KIAA0232: variants seen among roughly 807,000 people sequenced by gnomAD.
KIAA0232 encodes the protein KIAA0232.
A neutral mutation model predicts 122.0 loss-of-function variants in KIAA0232; 27 were observed. That is an observed-to-expected ratio of 0.22 (90% confidence interval 0.16 to 0.31). KIAA0232 has a LOEUF of 0.31. KIAA0232 is among the 10% of genes least tolerant of loss of function. The pLI is 1.00. For synonymous variants in KIAA0232, 613 were observed against 587.6 expected (o/e 1.04, Z -0.63); for missense variants, 1,551 against 1,634.2 (o/e 0.95, Z 0.88).
At position 6,855,977 on chromosome 4, in the gene KIAA0232, G is replaced by A. The variant is rs1720547211; in HGVS notation, c.370-1187G>A. On this transcript the variant is annotated intron_variant, in intron 4 of 9. Transcript: ENST00000307659. This position sits in a 1 kb window ranked among gnomAD's most constrained non-coding sequence, Gnocchi z 4.3. ...AATATCTGCCATCGTTTTTAAGAGTGTTTTTAAAGGAAAGGGCAACTCTTG... is the reference window on the plus strand; with the variant it reads ...AATATCTGCCATCGTTTTTAAGAGTATTTTTAAAGGAAAGGGCAACTCTTG... 1 of 488,582 alleles carries A rather than the reference G, an allele frequency of 2.0e-6. No homozygotes were observed. The highest frequency in any genetic ancestry group is 2.1e-5 in the African/African-American group (1 of 47,452). 30.3% of individuals were successfully genotyped at this position (488,582 alleles called of 1,614,324 possible).
chr4:6,845,906 G>A (rs915204007), intron 4 of KIAA0232, among the ~76,000 whole-genome samples: 6 of 152,142 alleles, frequency 3.9e-5, no homozygotes, highest in Admixed American at 6.5e-5. Flanking sequence ...CGAGTATGTC[G>A]TGTGATGTGA....
At position 6,861,418 on chromosome 4, in the gene KIAA0232, A is replaced by G; in HGVS notation, c.1036A>G (p.Ile346Val). The G allele has an allele frequency of 3.7e-6, 6 of 1,614,230 alleles. No homozygotes were observed. Among genetic ancestry groups the G allele is most frequent in the Admixed American group, 3.3e-5 (2 of 60,020 alleles). The change falls in exon 7 of 10, where the codon ATT becomes GTT. Residue 346 changes from isoleucine to valine, a missense_variant. Physicochemically the swap from Ile to Val is conservative, Grantham distance 29. This residue lies in a region of KIAA0232 where 377 missense variants were observed against 381.7 expected (regional missense o/e 0.99). Transcript: ENST00000307659. ...LKHGEKAERN[I>V]HTGSSSSSSS... Reference sequence around the variant, plus strand: ...GCACGGTGAAAAGGCTGAAAGGAACATTCATACTGGAAGTAGTAGCAGTAG... The same window carrying G: ...GCACGGTGAAAAGGCTGAAAGGAACGTTCATACTGGAAGTAGTAGCAGTAG...
intron 2 of KIAA0232, among the ~76,000 whole-genome samples, chr4:6,815,550 G>A (rs1202166468): frequency 3.3e-5 from 5 of 152,170 alleles, no homozygotes; most frequent in African/African-American, 1.2e-4. Flanking sequence ...ATTTAGATCT[G>A]TCATTATGGT....
intron 1 of KIAA0232, among the ~76,000 whole-genome samples, chr4:6,788,571 G>A (rs1716738947): frequency 6.6e-6 from 1 of 152,118 alleles, no homozygotes; most frequent in African/African-American, 2.4e-5. Context: ...TATACATGAA[G>A]GTCTTTCCTG....
In KIAA0232 at chr4:6,882,440, A is replaced by G. The variant is rs184758977; in HGVS notation, c.*1474A>G. On this transcript the variant is annotated 3_prime_UTR_variant, in exon 10 of 10. Transcript: ENST00000307659. ...GTGAAATCTATGATTTGCTTTGAACATTTGGGTTTTGTTGCCTTTTTCTTA... is the reference window on the plus strand; with the variant it reads ...GTGAAATCTATGATTTGCTTTGAACGTTTGGGTTTTGTTGCCTTTTTCTTA... The G allele has an allele frequency of 6.6e-6, 1 of 152,062 alleles. No individual in the cohort carries two copies. The highest frequency in any genetic ancestry group is 6.5e-5 in the Admixed American group (1 of 15,288). The allele number at this position is 152,062 out of a possible 1,614,324, so 9.4% of individuals were successfully genotyped here. A position where few individuals can be genotyped will look rare whatever the true frequency, so the allele number is the denominator to read the frequency against.
rs1488075104 is a variant in KIAA0232, at chr4:6,871,698, T to TTAGTTC, written c.3910+17_3910+22dup. ...GAGTGTGAAGGTAAGGAGACCTTTG[T>TTAGTTC]TAGTTCATTTATTCATTGCAATTTG... is the stretch of plus-strand genomic sequence containing the variant. On this transcript the variant is annotated intron_variant, in intron 8 of 9. Coordinates refer to ENST00000307659, the MANE Select transcript of KIAA0232 (RefSeq NM_014743.3). The TTAGTTC allele has an allele frequency of 2.2e-6, 3 of 1,387,462 alleles. No homozygotes were observed. The highest frequency in any genetic ancestry group is 2.0e-6 in the Non-Finnish European group (2 of 982,622). 85.9% of individuals were successfully genotyped at this position (1,387,462 alleles called of 1,614,324 possible).
intron 4 of KIAA0232, among the ~76,000 whole-genome samples, chr4:6,845,442 C>T (rs971842126): frequency 1.3e-5 from 2 of 152,092 alleles, no homozygotes; most frequent in Admixed American, 6.5e-5. Flanking sequence ...GACATCCTCC[C>T]GCGTCGGCCT....
chr4:6,853,070 G>A (rs1460262750), intron 4 of KIAA0232, among the ~76,000 whole-genome samples: 3 of 152,176 alleles, frequency 2.0e-5, no homozygotes, highest in Non-Finnish European at 2.9e-5. Context: ...GCACCCCTGA[G>A]GCAAAGCATG....
chr4:6,813,605 G>T (rs1436794165), intron 2 of KIAA0232, among the ~76,000 whole-genome samples: 2 of 151,934 alleles, frequency 1.3e-5, no homozygotes, highest in East Asian at 1.9e-4. Flanking sequence ...CTTGTGATCC[G>T]CCCGCCTCGG....
intron 1 of KIAA0232, among the ~76,000 whole-genome samples, chr4:6,792,314 T>A (rs1716931899): frequency 6.6e-6 from 1 of 152,198 alleles, no homozygotes; most frequent in South Asian, 2.1e-4. Context: ...TGTAACACAG[T>A]GCTACAGTAA....
intron 2 of KIAA0232, among the ~76,000 whole-genome samples, chr4:6,807,165 G>A (rs570097045): frequency 6.6e-6 from 1 of 152,144 alleles, no homozygotes; most frequent in South Asian, 2.1e-4. Context: ...TTCTCCAATA[G>A]CTAGGATTAT....
In KIAA0232 at chr4:6,880,837, A is replaced by G. The variant is rs1484769835; in HGVS notation, c.4059A>G (p.Ala1353=). The part of the protein sequence containing the change: ...ARCTGERDSG[A]KSDGFRGKMC... ...GTACAGGAGAGAGAGATTCTGGAGC[A>G]AAGTCAGATGGCTTCCGCGGAAAGA... Residue 1353 remains alanine (A), a synonymous_variant, in exon 10 of 10, where the codon GCA becomes GCG. Transcript: ENST00000307659. 1 of 1,604,856 alleles carries G rather than the reference A, an allele frequency of 6.2e-7. No homozygotes were observed. The highest frequency in any genetic ancestry group is 1.7e-5 in the Admixed American group (1 of 58,822).
Position 6,824,405 on chromosome 4 carries a change from C to G in KIAA0232, c.-49C>G, listed in dbSNP as rs1158754152. On this transcript the variant is annotated 5_prime_UTR_variant, in exon 3 of 10. In the 5' UTR this introduces an upstream ATG that the reference lacks. Coordinates refer to ENST00000307659, the MANE Select transcript of KIAA0232 (RefSeq NM_014743.3). ...TCCCCTCCAGATACCAACAGAATAT[C>G]AACTGCAGAAAATGCTTCACATTTT... 2.8e-6 allele frequency: 4 copies of G among 1,430,212 alleles called. No individual in the cohort carries two copies. Among genetic ancestry groups the G allele is most frequent in the East Asian group, 2.3e-5 (1 of 43,984 alleles). 88.6% of individuals were successfully genotyped at this position (1,430,212 alleles called of 1,614,324 possible).
chr4:6,873,837 A>G (rs755075348), intron 8 of KIAA0232, among the ~76,000 whole-genome samples: 1 of 152,218 alleles, frequency 6.6e-6, no homozygotes, highest in Non-Finnish European at 1.5e-5. Context: ...CTGTAGCATC[A>G]TGAAGCATCC....
intron 3 of KIAA0232, among the ~76,000 whole-genome samples, chr4:6,826,404 A>G (rs1047894921): frequency 4.6e-5 from 7 of 152,232 alleles, no homozygotes; most frequent in African/African-American, 1.7e-4. Flanking sequence ...CGTTAAATCT[A>G]CAAACATAGA....
At chr4:6,791,206 A>G (rs112919680) in intron 1 of KIAA0232, among the ~76,000 whole-genome samples, 2,267 of 150,970 alleles carry the variant, frequency 0.015, 47 homozygotes, top group African/African-American at 0.052. Context: ...GGCATGAGCC[A>G]CCGTGCCTGG....
intron 2 of KIAA0232, among the ~76,000 whole-genome samples, chr4:6,815,098 T>C (rs906969466): frequency 1.3e-5 from 2 of 152,142 alleles, no homozygotes; most frequent in Admixed American, 6.5e-5. Flanking sequence ...AACTTTTTTA[T>C]AGAATTTAAA....
chr4:6,831,078 C>T (rs534570636), intron 3 of KIAA0232, among the ~76,000 whole-genome samples: 14 of 151,504 alleles, frequency 9.2e-5, no homozygotes, highest in South Asian at 2.1e-4. Context: ...TTTTTTGAGA[C>T]GGAGTCTCGC....
At chr4:6,845,133 C>T (rs552884388) in intron 4 of KIAA0232, among the ~76,000 whole-genome samples, 4 of 152,204 alleles carry the variant, frequency 2.6e-5, no homozygotes, top group Non-Finnish European at 4.4e-5. Context: ...TGGAACTCTA[C>T]TGTCCAACAC....
Sources: gnomAD v4.1 joint callset for allele counts (sites outside exome capture counted in the v4.1 genomes callset) on GRCh38, gnomAD v4.1.1 for gene constraint, gnomAD v4.1.1 regional missense constraint, Gnocchi (gnomAD v3.1) non-coding constraint, MANE v1.5 for transcripts, NCBI Gene and HGNC (gene_info 2026-07-23, HGNC 2026-07-21) for gene names.